Variants in FBXO42 observed in about 807,000 individuals in gnomAD.
The protein encoded by FBXO42 is F-box only protein 42.
In FBXO42, 12 loss-of-function variants were observed where a neutral mutation model predicts 71.7. That is an observed-to-expected ratio of 0.17 (90% CI 0.11 to 0.27). The LOEUF is 0.27. Ranked by LOEUF, FBXO42 falls within the 10% of genes least tolerant of loss-of-function variation. The pLI is 1.00. For missense variants in FBXO42, 707 were observed against 911.9 expected (o/e 0.78, Z 2.89); for synonymous variants, 325 against 327.5 (o/e 0.99, Z 0.08).
At chr1:16,341,729 G>T (rs2100634025) in intron 1 of FBXO42, among the ~76,000 whole-genome samples, 1 of 151,392 alleles carries the variant, frequency 6.6e-6, no homozygotes, top group Non-Finnish European at 1.5e-5. Flanking sequence ...CCAGCGCTTT[G>T]GTAGGCCAAG....
rs148379808 is a variant in FBXO42 at position 16,350,749 on chromosome 1, A to AG, written c.-18+1505_-18+1506insC. ...ATGACAGAGTGAGAAACTGCAAAAA[A>AG]AAAAAAAAAAAGAAAGAAAGAAAGA... On this transcript the variant is annotated intron_variant, in intron 1 of 9. Transcript: ENST00000375592. Among the ~76,000 whole-genome samples, 386 of 47,674 alleles carry AG rather than the reference A, an allele frequency of 8.1e-3. 13 individuals are homozygous for AG. Among genetic ancestry groups the AG allele is most frequent in the Non-Finnish European group, 0.011 (301 of 27,046 alleles). 31.3% of individuals were successfully genotyped at this position (47,674 alleles called of 152,430 possible).
rs34904915 is a variant in FBXO42 at position 16,341,609 on chromosome 1, TAAAAAAAAAA to T, written c.-18+10636_-18+10645del. Among the ~76,000 whole-genome samples the T allele has an allele frequency of 4.6e-3, 518 of 113,264 alleles. 4 individuals are homozygous for T. Among genetic ancestry groups the T allele is most frequent in the East Asian group, 9.6e-3 (35 of 3,638 alleles). 74.3% of individuals were successfully genotyped at this position (113,264 alleles called of 152,430 possible). ...GGCAACCAAGTGAGACTGCGTCTTT[TAAAAAAAAAA>T]AAAAAAAAAAAAAAAGTGGCAGTAA... is the stretch of plus-strand genomic sequence containing the variant. On this transcript the variant is annotated intron_variant, in intron 1 of 9. Transcript: ENST00000375592.
At chr1:16,331,107 A>C (rs78844379) in intron 1 of FBXO42, among the ~76,000 whole-genome samples, 3,971 of 151,816 alleles carry the variant, frequency 0.026, 175 homozygotes, top group African/African-American at 0.089. Flanking sequence ...TGACGGAGTG[A>C]AACTCCATCT....
In FBXO42 at chr1:16,251,496, C is replaced by G; in HGVS notation, c.1328G>C (p.Ser443Thr). ...GDGSPILNGG[S>T]LSPGTAAVGG... ...CACAGCTGCCGTTCCTGGAGACAAACTCCCACCATTGAGGATAGGAGAGCC... is the reference window on the plus strand; with the variant it reads ...CACAGCTGCCGTTCCTGGAGACAAAGTCCCACCATTGAGGATAGGAGAGCC... The change falls in exon 10 of 10, where the codon AGT becomes ACT. Residue 443 changes from serine to threonine, a missense_variant. Physicochemically the swap from Ser to Thr is moderately conservative, Grantham distance 58. This residue lies in a region of FBXO42 where 482 missense variants were observed against 587.1 expected (regional missense o/e 0.82). Coordinates refer to ENST00000375592, the MANE Select transcript of FBXO42 (RefSeq NM_018994.3). This position sits in a 1 kb window ranked among gnomAD's most constrained non-coding sequence, Gnocchi z 4.5. 1.9e-6 allele frequency: 3 copies of G among 1,614,214 alleles called. No individual in the cohort carries two copies. Among genetic ancestry groups the G allele is most frequent in the Non-Finnish European group, 2.5e-6 (3 of 1,180,036 alleles).
intron 1 of FBXO42, among the ~76,000 whole-genome samples, chr1:16,327,863 A>T (rs1569929831): frequency 6.6e-6 from 1 of 152,176 alleles, no homozygotes; most frequent in East Asian, 1.9e-4. Flanking sequence ...CACCACACCC[A>T]GCTAATTTTC....
chr1:16,316,169 CAA>C (rs58485035), intron 1 of FBXO42, among the ~76,000 whole-genome samples: 141 of 109,030 alleles, frequency 1.3e-3, no homozygotes, highest in South Asian at 5.4e-3. Context: ...ACCTCCATCT[CAA>C]AAAAAAAAAA....
intron 4 of FBXO42, among the ~76,000 whole-genome samples, chr1:16,283,489 G>A (rs2081986548): frequency 1.1e-5 from 1 of 94,230 alleles, no homozygotes. Context: ...TTCTAACTGT[G>A]GCAAGTTTTT....
intron 2 of FBXO42, 103 bp from the exon 3 acceptor site, chr1:16,306,022 C>CT (rs374649779): frequency 0.012 from 9,661 of 794,114 alleles, 3 homozygotes; most frequent in Non-Finnish European, 0.014. Flanking sequence ...ATACAAGTTT[C>CT]TTTTTTTTTT....
intron 4 of FBXO42, among the ~76,000 whole-genome samples, chr1:16,278,480 C>CT (rs1480238801): frequency 6.6e-6 from 1 of 151,894 alleles, no homozygotes; most frequent in Admixed American, 6.6e-5. Context: ...AGACTACTGT[C>CT]TTTTTTATTT....
At position 16,248,051 on chromosome 1, in the gene FBXO42, T is replaced by G. The variant is rs996003090; in HGVS notation, c.*2619A>C. On this transcript the variant is annotated 3_prime_UTR_variant, in exon 10 of 10. Transcript: ENST00000375592. ...GGTGCTCCTGAGGGTTAAAAAAAAT[T>G]TAGTCTCATTTTTCTCAGTGAATTT... The G allele has an allele frequency of 2.6e-5, 4 of 152,118 alleles. No homozygotes were observed. Among genetic ancestry groups the G allele is most frequent in the Admixed American group, 6.5e-5 (1 of 15,272 alleles). The allele number at this position is 152,118 out of a possible 1,614,324, so 9.4% of individuals were successfully genotyped here.
chr1:16,314,837 T>C (rs181605416), intron 2 of FBXO42, among the ~76,000 whole-genome samples: 9 of 151,604 alleles, frequency 5.9e-5, no homozygotes, highest in Admixed American at 2.0e-4. Context: ...TGAGCCGAGA[T>C]TGCGCCACTG....
At chr1:16,303,889 G>A (rs2082222862) in intron 3 of FBXO42, among the ~76,000 whole-genome samples, 1 of 152,064 alleles carries the variant, frequency 6.6e-6, no homozygotes, top group Non-Finnish European at 1.5e-5. Flanking sequence ...GCGACTACAG[G>A]CGCCCGCCAC....
chr1:16,291,651 G>A, intron 4 of FBXO42, among the ~76,000 whole-genome samples: 1 of 152,066 alleles, frequency 6.6e-6, no homozygotes, highest in East Asian at 1.9e-4. Flanking sequence ...CGAAGTGCCA[G>A]GATTGTAAGC....
chr1:16,312,589 T>C (rs1383889677), intron 2 of FBXO42, among the ~76,000 whole-genome samples: 1 of 152,104 alleles, frequency 6.6e-6, no homozygotes, highest in Non-Finnish European at 1.5e-5. Context: ...TAACAGTGGA[T>C]ATGTGTCATT....
chr1:16,344,483 TA>T (rs2082636782), intron 1 of FBXO42, among the ~76,000 whole-genome samples: 1 of 101,180 alleles, frequency 9.9e-6, no homozygotes, highest in South Asian at 3.9e-4. Flanking sequence ...CACACCCAGC[TA>T]ACTTTTTTTT....
In FBXO42 at chr1:16,331,422, A is replaced by AAATAAT. The variant is rs200267691; in HGVS notation, c.-17-15993_-17-15988dup. On this transcript the variant is annotated intron_variant, in intron 1 of 9. Coordinates refer to ENST00000375592, the MANE Select transcript of FBXO42 (RefSeq NM_018994.3). Reference sequence around the variant, plus strand: ...AGAGCGAGACTCTGTCTCAAAAAGAAAATAATAATAATAATAATAATAATA... The same window carrying AAATAAT: ...AGAGCGAGACTCTGTCTCAAAAAGAAAATAATAATAATAATAATAATAATAATAATA... Among the ~76,000 whole-genome samples, 1,080 of 145,674 alleles carry AAATAAT rather than the reference A, an allele frequency of 7.4e-3. 5 individuals are homozygous for AAATAAT. The highest frequency in any genetic ancestry group is 0.012 in the African/African-American group (465 of 39,786).
At chr1:16,273,776 G>A (rs2081869945) in intron 4 of FBXO42, among the ~76,000 whole-genome samples, 1 of 152,128 alleles carries the variant, frequency 6.6e-6, no homozygotes, top group African/African-American at 2.4e-5. Flanking sequence ...CTACTTGGGA[G>A]GCTGAGGTGG....
At chr1:16,301,960 AT>A (rs2082199669) in intron 3 of FBXO42, among the ~76,000 whole-genome samples, 1 of 152,132 alleles carries the variant, frequency 6.6e-6, no homozygotes, top group Non-Finnish European at 1.5e-5. Context: ...AGAATTTGTC[AT>A]ATCCATTTTT....
chr1:16,263,806 A>G (rs2081742164), intron 4 of FBXO42, among the ~76,000 whole-genome samples: 1 of 135,320 alleles, frequency 7.4e-6, no homozygotes, highest in African/African-American at 2.7e-5. Flanking sequence ...CCATACATTA[A>G]CTTTTTTTTT....
Sources: gnomAD v4.1 joint callset for allele counts (sites outside exome capture counted in the v4.1 genomes callset) on GRCh38, gnomAD v4.1.1 for gene constraint, gnomAD v4.1.1 regional missense constraint, Gnocchi (gnomAD v3.1) non-coding constraint, MANE v1.5 for transcripts, NCBI Gene and HGNC (gene_info 2026-07-23, HGNC 2026-07-21) for gene names.